The following TBC1D5 variants were observed in gnomAD, a reference collection of about 807,000 sequenced individuals.
TBC1D5 encodes TBC1 domain family, member 5.
TBC1D5 carries 75 observed loss-of-function variants against 100.3 expected under a neutral mutation model. The ratio of observed to expected loss-of-function variants is 0.75; its 90% CI spans 0.62 to 0.91. The LOEUF is 0.91. Ranked by LOEUF, TBC1D5 falls within the 40% of genes least tolerant of loss-of-function variation. The pLI is 0.00. For missense variants in TBC1D5, 910 were observed against 942.4 expected (o/e 0.97, Z 0.45); for synonymous variants, 323 against 325.6 (o/e 0.99, Z 0.09).
chr3:17,447,363 AG>A lies in TBC1D5; in HGVS notation c.98-18845del, dbSNP rs11338382. ...ATCAACAAAACAAGAAAGATCCAGTAGAAACACAGGGGTTGAATATATAAGA... is the reference window on the plus strand; with the variant it reads ...ATCAACAAAACAAGAAAGATCCAGTAAAACACAGGGGTTGAATATATAAGA... On this transcript the variant is annotated intron_variant, in intron 3 of 21. Coordinates refer to ENST00000253692, the Ensembl canonical transcript of TBC1D5. Among the ~76,000 whole-genome samples the A allele has an allele frequency of 1.1e-3, 167 of 152,334 alleles. 1 individual carries two copies. Among genetic ancestry groups the A allele is most frequent in the African/African-American group, 3.8e-3 (159 of 41,582 alleles).
intron 2 of TBC1D5, among the ~76,000 whole-genome samples, chr3:17,607,344 A>G (rs1232211841): frequency 6.6e-6 from 1 of 152,210 alleles, no homozygotes; most frequent in Non-Finnish European, 1.5e-5. Flanking sequence ...AGAGCTTTAT[A>G]TAATGACCTG....
chr3:17,479,229 G>C (rs2095473139), intron 3 of TBC1D5, among the ~76,000 whole-genome samples: 1 of 151,836 alleles, frequency 6.6e-6, no homozygotes, highest in Admixed American at 6.6e-5. Context: ...CTGAGACCCT[G>C]TCTCTACAAA....
chr3:17,448,530 A>G (rs546346609), intron 3 of TBC1D5, among the ~76,000 whole-genome samples: 1 of 152,354 alleles, frequency 6.6e-6, no homozygotes, highest in Non-Finnish European at 1.5e-5. Context: ...AGAAATGACT[A>G]CTTGATCCAG....
In TBC1D5 at chr3:17,567,778, C is replaced by T. The variant is rs187726787; in HGVS notation, c.-36+56071G>A. 2.5e-4 allele frequency among the ~76,000 whole-genome samples: 38 copies of T among 151,754 alleles called. 1 individual carries two copies. In the East Asian group the frequency reaches 6.9e-3, roughly 28 times the overall value. On this transcript the variant is annotated intron_variant, in intron 2 of 21. Coordinates refer to ENST00000253692, the Ensembl canonical transcript of TBC1D5. ...ATACAGCGCAGCAGTTAATACTACA[C>T]ATTGAAAATAAATTACCTAGTCTTC...
At chr3:17,285,324 G>A (rs553602272) in intron 15 of TBC1D5, among the ~76,000 whole-genome samples, 5 of 136,448 alleles carry the variant, frequency 3.7e-5, no homozygotes, top group East Asian at 5.2e-4. Context: ...GCAGTGGCGC[G>A]ATCTCGGCTC....
rs143267631 is a variant in TBC1D5, at chr3:17,202,002, A to C, written c.1752+12205T>G. Among the ~76,000 whole-genome samples, 12 of 152,326 alleles carry C rather than the reference A, an allele frequency of 7.9e-5. No individual in the cohort carries two copies. In the East Asian group the frequency reaches 2.3e-3, roughly 29 times the overall value. The stretch of plus-strand genomic sequence containing the variant: ...GAACTTGGTAACAGGCAGAGGTTGG[A>C]ACAGTTTGGAGAGCTCAGAAGAAGA... On this transcript the variant is annotated intron_variant, in intron 18 of 21. Transcript: ENST00000253692.
intron 1 of TBC1D5, among the ~76,000 whole-genome samples, chr3:17,630,664 T>C (rs577452925): frequency 1.3e-5 from 2 of 152,060 alleles, no homozygotes; most frequent in Non-Finnish European, 2.9e-5. Context: ...CTCTTAGTGT[T>C]CAACTGAAAG....
At chr3:17,495,215 G>A (rs1343217105) in intron 3 of TBC1D5, among the ~76,000 whole-genome samples, 2 of 152,188 alleles carry the variant, frequency 1.3e-5, no homozygotes, top group African/African-American at 4.8e-5. Context: ...AGCCATCTTG[G>A]CCCCACTCTG....
intron 1 of TBC1D5, among the ~76,000 whole-genome samples, chr3:17,671,461 C>G (rs541797315): frequency 6.6e-6 from 1 of 152,258 alleles, no homozygotes; most frequent in Admixed American, 6.5e-5. Context: ...TTGACGGCCT[C>G]CCCCAAAGTG....
At chr3:17,701,350 T>C (rs550789659) in intron 1 of TBC1D5, among the ~76,000 whole-genome samples, 1 of 152,160 alleles carries the variant, frequency 6.6e-6, no homozygotes, top group East Asian at 1.9e-4. Flanking sequence ...GGAGGAGAGA[T>C]AGCATTAGGA....
intron 3 of TBC1D5, among the ~76,000 whole-genome samples, chr3:17,429,902 T>C (rs1402087085): frequency 6.6e-6 from 1 of 151,866 alleles, no homozygotes; most frequent in Non-Finnish European, 1.5e-5. Context: ...TTTTTCAAAA[T>C]ATTGTTCCAG....
chr3:17,411,403 G>A (rs1187933729), intron 4 of TBC1D5, among the ~76,000 whole-genome samples: 1 of 152,040 alleles, frequency 6.6e-6, no homozygotes, highest in Admixed American at 6.6e-5. Flanking sequence ...CAATATCTGT[G>A]GGGTATGTAT....
At chr3:17,492,732 G>T (rs767762483) in intron 3 of TBC1D5, among the ~76,000 whole-genome samples, 2 of 152,060 alleles carry the variant, frequency 1.3e-5, no homozygotes, top group African/African-American at 4.8e-5. Context: ...CACCATACTC[G>T]GACATAAATT....
rs558934010 is a variant in TBC1D5, at chr3:17,419,939, C to T, written c.167+8511G>A. 2.0e-5 allele frequency among the ~76,000 whole-genome samples: 3 copies of T among 152,276 alleles called. No individual in the cohort carries two copies. In the South Asian group the frequency reaches 6.2e-4, roughly 32 times the overall value. Reference sequence around the variant, plus strand: ...TCTTCAACTCCTTAACTCAAGTGATCCTCCCGCCTCAGCCTGTTGGGATTA... The same window carrying T: ...TCTTCAACTCCTTAACTCAAGTGATTCTCCCGCCTCAGCCTGTTGGGATTA... On this transcript the variant is annotated intron_variant, in intron 4 of 21. Coordinates refer to ENST00000253692, the Ensembl canonical transcript of TBC1D5.
At chr3:17,157,224 G>A (rs1461624219) in exon 22 of TBC1D5, 1 of 152,210 alleles carries the variant, frequency 6.6e-6, no homozygotes, top group East Asian at 1.9e-4. Flanking sequence ...GCCAAAAGGA[G>A]AAATCATTTC....
At chr3:17,471,588 G>A (rs1353540193) in intron 3 of TBC1D5, among the ~76,000 whole-genome samples, 3 of 125,464 alleles carry the variant, frequency 2.4e-5, no homozygotes, top group African/African-American at 8.8e-5. Context: ...GGAGAATGGC[G>A]TGAACCCGGG....
chr3:17,331,167 G>A (rs1315375614), intron 13 of TBC1D5, among the ~76,000 whole-genome samples: 1 of 152,142 alleles, frequency 6.6e-6, no homozygotes, highest in Non-Finnish European at 1.5e-5. Flanking sequence ...CCTGAGGACA[G>A]AGTTTAAACT....
chr3:17,237,196 T>G (rs1425930630), intron 17 of TBC1D5, among the ~76,000 whole-genome samples: 2 of 152,224 alleles, frequency 1.3e-5, no homozygotes, highest in African/African-American at 4.8e-5. Context: ...TGGGTCAGGA[T>G]GTTTGCTCTG....
intron 1 of TBC1D5, among the ~76,000 whole-genome samples, chr3:17,707,991 T>G (rs1400315653): frequency 1.3e-5 from 2 of 152,212 alleles, no homozygotes; most frequent in African/African-American, 4.8e-5. Flanking sequence ...CAAATTCACA[T>G]AAATATGAAA....
Sources: gnomAD v4.1 joint callset for allele counts (sites outside exome capture counted in the v4.1 genomes callset) on GRCh38, gnomAD v4.1.1 for gene constraint, MANE v1.5 for transcripts, NCBI Gene and HGNC (gene_info 2026-07-23, HGNC 2026-07-21) for gene names.